Variants in RAD21L1 observed in about 807,000 individuals in gnomAD.
RAD21L1 encodes the protein RAD21 cohesin complex component like 1.
RAD21L1 carries 47 observed loss-of-function variants against 69.0 expected under a neutral mutation model. The ratio of observed to expected loss-of-function variants is 0.68; its 90% CI spans 0.54 to 0.87. RAD21L1 has a LOEUF of 0.87. Ranked by LOEUF, RAD21L1 falls within the 40% of genes least tolerant of loss-of-function variation. The pLI, the probability that RAD21L1 is intolerant of heterozygous loss-of-function variation, is 0.00. For missense variants in RAD21L1, 583 were observed against 647.6 expected (o/e 0.90, Z 1.08); for synonymous variants, 177 against 205.8 (o/e 0.86, Z 1.20).
At chr20:1,239,252 T>C (rs982403802) in intron 6 of RAD21L1, 60 bp from the exon 7 acceptor site, 1 of 882,578 alleles carries the variant, frequency 1.1e-6, no homozygotes, top group African/African-American at 1.7e-5. Context: ...TTAATAAATG[T>C]TTAGTGAACA....
intron 4 of RAD21L1, among the ~76,000 whole-genome samples, chr20:1,232,386 T>C (rs1221375861): frequency 6.6e-6 from 1 of 152,190 alleles, no homozygotes; most frequent in African/African-American, 2.4e-5. Context: ...CTTTGGCTAC[T>C]TACTCTAAGG....
intron 2 of RAD21L1, 115 bp downstream of exon 2, chr20:1,228,712 G>C (rs1242961574): frequency 5.2e-6 from 4 of 764,222 alleles, no homozygotes; most frequent in African/African-American, 3.6e-5. Context: ...CTTGTCAAAT[G>C]GTCTTTCCTT....
chr20:1,242,507 A>T, intron 8 of RAD21L1, 112 bp from the exon 9 acceptor site: 1 of 795,624 alleles, frequency 1.3e-6, no homozygotes, highest in Non-Finnish European at 2.1e-6. Context: ...TGCTAGGATT[A>T]CAGGCATGAG....
At chr20:1,227,155 C>G (rs541859594) in intron 1 of RAD21L1, among the ~76,000 whole-genome samples, 2 of 152,360 alleles carry the variant, frequency 1.3e-5, no homozygotes, top group South Asian at 4.1e-4. Flanking sequence ...AAGTGATCCG[C>G]CCGCCTCAGC....
intron 13 of RAD21L1, among the ~76,000 whole-genome samples, chr20:1,253,948 A>G (rs1276428736): frequency 6.6e-6 from 1 of 152,212 alleles, no homozygotes; most frequent in Non-Finnish European, 1.5e-5. Flanking sequence ...CTCTGCAAAT[A>G]TAGACTAATT....
chr20:1,234,757 A>AT (rs200990103), intron 5 of RAD21L1, among the ~76,000 whole-genome samples: 3,337 of 150,580 alleles, frequency 0.022, 43 homozygotes, highest in Middle Eastern at 0.031. Flanking sequence ...TTATTTTTAA[A>AT]TTTTTTTTTT....
chr20:1,240,534 A>C lies in RAD21L1; in HGVS notation c.856+100A>C. 9.8e-6 allele frequency: 14 copies of C among 1,432,768 alleles called. 1 individual carries two copies. The highest frequency in any genetic ancestry group is 1.3e-5 in the Non-Finnish European group (14 of 1,097,320). 88.8% of individuals were successfully genotyped at this position (1,432,768 alleles called of 1,614,324 possible). On this transcript the variant is annotated intron_variant, in intron 8 of 13. Transcript: ENST00000683101. Reference sequence around the variant, plus strand: ...CACTGAAATATTATAGGAGATAGTCAATCTAGTAATAGCACTTGTAACACA... The same window carrying C: ...CACTGAAATATTATAGGAGATAGTCCATCTAGTAATAGCACTTGTAACACA...
chr20:1,242,870 GT>G, intron 9 of RAD21L1, 25 bp downstream of exon 9: 1 of 1,346,268 alleles, frequency 7.4e-7, no homozygotes, highest in East Asian at 2.5e-5. Flanking sequence ...CCTTCTACAT[GT>G]GAGCAATGTC....
At position 1,248,701 on chromosome 20, in the gene RAD21L1, C is replaced by A; in HGVS notation, c.1477C>A (p.Arg493=). The change falls in exon 13 of 14, where the codon CGG becomes AGG. Residue 493 remains arginine, a splice_region_variant and synonymous_variant. Coordinates refer to ENST00000683101, the MANE Select transcript of RAD21L1 (RefSeq NM_001384355.1). ...GRILQMLNRL[R]ESNKMGMQSF... ...AATACTTCAGATGTTAAATCGTTTA[C>A]GGGTGAGATGCTAGGGTTTGTCAAC... The A allele has an allele frequency of 6.6e-7, 1 of 1,508,256 alleles. No homozygotes were observed. Among genetic ancestry groups the A allele is most frequent in the Non-Finnish European group, 9.0e-7 (1 of 1,115,790 alleles). 93.4% of individuals were successfully genotyped at this position (1,508,256 alleles called of 1,614,324 possible).
chr20:1,229,515 C>G lies in RAD21L1; in HGVS notation c.145-365C>G, dbSNP rs747736837. Reference sequence around the variant, plus strand: ...GGGTGACAGAGCGAGACTCCGTCTCCAAAAAAACAATAATAATAAAAAAAT... The same window carrying G: ...GGGTGACAGAGCGAGACTCCGTCTCGAAAAAAACAATAATAATAAAAAAAT... On this transcript the variant is annotated intron_variant, in intron 2 of 13. Coordinates refer to ENST00000683101, the MANE Select transcript of RAD21L1 (RefSeq NM_001384355.1). Among the ~76,000 whole-genome samples, 13 of 151,512 alleles carry G rather than the reference C, an allele frequency of 8.6e-5. 1 individual carries two copies. The highest frequency in any genetic ancestry group is 1.8e-4 in the Non-Finnish European group (12 of 67,940).
intron 5 of RAD21L1, among the ~76,000 whole-genome samples, chr20:1,236,301 C>T (rs907890594): frequency 6.6e-6 from 1 of 152,160 alleles, no homozygotes; most frequent in African/African-American, 2.4e-5. Context: ...CTTTAAATTC[C>T]ATTTTTGATA....
At chr20:1,241,152 A>C (rs143819979) in intron 8 of RAD21L1, among the ~76,000 whole-genome samples, 1 of 152,212 alleles carries the variant, frequency 6.6e-6, no homozygotes, top group Non-Finnish European at 1.5e-5. Context: ...ACTAAGTTCA[A>C]TTTAGGAAGG....
At position 1,228,420 on chromosome 20, in the gene RAD21L1, A is replaced by C; in HGVS notation, c.-32-2A>C. 9 of 1,423,430 alleles carry C rather than the reference A, an allele frequency of 6.3e-6. No individual in the cohort carries two copies. Among genetic ancestry groups the C allele is most frequent in the Non-Finnish European group, 8.3e-6 (9 of 1,082,484 alleles). 88.2% of individuals were successfully genotyped at this position (1,423,430 alleles called of 1,614,324 possible). On this transcript the variant is annotated splice_acceptor_variant, in intron 1 of 13. Transcript: ENST00000683101. LOFTEE classifies it low-confidence loss of function (5UTR_SPLICE). ...TTAAATTTCTTTTCGTGTTCTCTCT[A>C]GTTTGTTAAATACAAGTAAGGAACA...
chr20:1,251,570 T>A lies in RAD21L1; in HGVS notation c.1480-2699T>A, dbSNP rs1385139875. On this transcript the variant is annotated intron_variant, in intron 13 of 13. Transcript: ENST00000683101. ...CAAACTCCTGGCCTCAGTTTCCTTT[T>A]TATTTATGTTTTGTCTTCCTGAAGG... Among the ~76,000 whole-genome samples, 7 of 152,102 alleles carry A rather than the reference T, an allele frequency of 4.6e-5. No individual in the cohort carries two copies. In the East Asian group the frequency reaches 1.4e-3, roughly 29 times the overall value.
At chr20:1,231,478 T>C in intron 3 of RAD21L1, 48 bp from the exon 4 acceptor site, 2 of 936,404 alleles carry the variant, frequency 2.1e-6, no homozygotes, top group Non-Finnish European at 3.3e-6. Flanking sequence ...AGTTCTTTGT[T>C]TTATATAGCA....
At chr20:1,231,392 A>G (rs2087388290) in intron 3 of RAD21L1, 134 bp from the exon 4 acceptor site, 1 of 634,738 alleles carries the variant, frequency 1.6e-6, no homozygotes, top group Non-Finnish European at 2.8e-6. Flanking sequence ...AATGGACTAC[A>G]CAAGGGTAGG....
At chr20:1,250,713 T>C (rs1457455216) in intron 13 of RAD21L1, among the ~76,000 whole-genome samples, 1 of 152,208 alleles carries the variant, frequency 6.6e-6, no homozygotes, top group African/African-American at 2.4e-5. Context: ...ATCCTTTACT[T>C]CATTTTTTTA....
At chr20:1,244,825 G>A (rs188160049) in intron 11 of RAD21L1, among the ~76,000 whole-genome samples, 1 of 152,168 alleles carries the variant, frequency 6.6e-6, no homozygotes, top group East Asian at 1.9e-4. Context: ...CATTATCACT[G>A]TATTTTGATA....
At chr20:1,240,530 A>T in intron 8 of RAD21L1, 96 bp downstream of exon 8, 1 of 1,440,342 alleles carries the variant, frequency 6.9e-7, no homozygotes, top group Non-Finnish European at 9.1e-7. Context: ...TATAGGAGAT[A>T]GTCAATCTAG....
Sources: gnomAD v4.1 joint callset for allele counts (sites outside exome capture counted in the v4.1 genomes callset) on GRCh38, gnomAD v4.1.1 for gene constraint, MANE v1.5 for transcripts, NCBI Gene and HGNC (gene_info 2026-07-23, HGNC 2026-07-21) for gene names.